TSPAN14: variants seen among roughly 807,000 people sequenced by gnomAD.
TSPAN14 encodes the protein tetraspanin-14.
In TSPAN14, 16 loss-of-function variants were observed where a neutral mutation model predicts 36.6. The ratio of observed to expected loss-of-function variants is 0.44; its 90% CI spans 0.30 to 0.66. TSPAN14 has a LOEUF of 0.66. TSPAN14 is among the 30% of genes least tolerant of loss of function. The pLI is 0.12. For missense variants in TSPAN14, 231 were observed against 355.1 expected, an observed-to-expected ratio of 0.65 and a Z score of 2.81; for synonymous variants, 139 against 143.8, an observed-to-expected ratio of 0.97 and a Z score of 0.24.
At chr10:80,510,549 A>T (rs1414353880) in intron 5 of TSPAN14, among the ~76,000 whole-genome samples, 1 of 152,154 alleles carries the variant, frequency 6.6e-6, no homozygotes, top group Non-Finnish European at 1.5e-5. Flanking sequence ...TTAAAAACAT[A>T]GTTTTCTGCA....
At chr10:80,513,579 A>G (rs1397656859) in intron 6 of TSPAN14, among the ~76,000 whole-genome samples, 2 of 152,260 alleles carry the variant, frequency 1.3e-5, no homozygotes. Context: ...TGTGGCCCCC[A>G]GGCCAAATCT....
chr10:80,492,582 C>G (rs147143340), intron 2 of TSPAN14, among the ~76,000 whole-genome samples: 9,538 of 152,084 alleles, frequency 0.063, 998 homozygotes, highest in African/African-American at 0.21. Flanking sequence ...TTTGGGAGGC[C>G]GAGGCAGGCG....
At chr10:80,491,957 C>G (rs927648060) in intron 2 of TSPAN14, among the ~76,000 whole-genome samples, 2 of 152,152 alleles carry the variant, frequency 1.3e-5, no homozygotes, top group African/African-American at 4.8e-5. Flanking sequence ...TGCAATGGAG[C>G]TGGCAAATGG....
intron 7 of TSPAN14, among the ~76,000 whole-genome samples, chr10:80,514,873 G>A (rs1012769495): frequency 6.6e-6 from 1 of 152,160 alleles, no homozygotes; most frequent in African/African-American, 2.4e-5. Flanking sequence ...TGAGTGGGAT[G>A]AGTGTCCTTA....
chr10:80,503,639 T>G (rs1272646142), intron 2 of TSPAN14, among the ~76,000 whole-genome samples: 1 of 152,142 alleles, frequency 6.6e-6, no homozygotes, highest in African/African-American at 2.4e-5. Flanking sequence ...TTTCTGAAAG[T>G]GATCTGTGAT....
exon 9 of TSPAN14, chr10:80,520,964 A>G (rs768721665): frequency 3.5e-5 from 15 of 430,436 alleles, no homozygotes; most frequent in Non-Finnish European, 5.6e-5. Context: ...GAATCCCACT[A>G]CCCACAGGGC....
At chr10:80,513,918 G>T (rs1840790477) in intron 6 of TSPAN14, 101 bp from the exon 7 acceptor site, 1 of 976,752 alleles carries the variant, frequency 1.0e-6, no homozygotes, top group Non-Finnish European at 1.6e-6. Context: ...AATGGAATTT[G>T]CACAAATGTT....
chr10:80,515,567 A>G (rs1283198208), intron 7 of TSPAN14: 1 of 152,424 alleles, frequency 6.6e-6, no homozygotes, highest in Admixed American at 6.5e-5. Context: ...TTTAGCTCCT[A>G]ACACCTCTAA....
chr10:80,514,941 G>A (rs1296157650), intron 7 of TSPAN14, among the ~76,000 whole-genome samples: 4 of 152,136 alleles, frequency 2.6e-5, no homozygotes, highest in East Asian at 1.9e-4. Flanking sequence ...CAGTGAGAGG[G>A]TGCCATCCAT....
chr10:80,479,856 G>A (rs1243161054), intron 1 of TSPAN14, among the ~76,000 whole-genome samples: 24 of 150,422 alleles, frequency 1.6e-4, no homozygotes, highest in African/African-American at 5.7e-4. Flanking sequence ...TGATGGGGAT[G>A]GCATTGAATC....
At chr10:80,515,191 C>T (rs1840872605) in intron 7 of TSPAN14, among the ~76,000 whole-genome samples, 1 of 152,204 alleles carries the variant, frequency 6.6e-6, no homozygotes, top group Admixed American at 6.5e-5. Flanking sequence ...CAACATACCA[C>T]AGACAGAAAT....
At chr10:80,467,004 TA>T (rs939055972) in intron 1 of TSPAN14, among the ~76,000 whole-genome samples, 3 of 152,224 alleles carry the variant, frequency 2.0e-5, no homozygotes, top group African/African-American at 7.2e-5. Context: ...AAAGGACTGG[TA>T]AGATAAGGAA....
At chr10:80,512,556 A>G (rs1424775330) in intron 6 of TSPAN14, among the ~76,000 whole-genome samples, 3 of 152,234 alleles carry the variant, frequency 2.0e-5, no homozygotes, top group East Asian at 3.8e-4. Context: ...GCCAAGAGCT[A>G]TGAGTGAAAT....
At chr10:80,508,508 CTG>C (rs1840434497) in intron 4 of TSPAN14, among the ~76,000 whole-genome samples, 1 of 152,182 alleles carries the variant, frequency 6.6e-6, no homozygotes, top group Non-Finnish European at 1.5e-5. Flanking sequence ...GTGATAATGT[CTG>C]TGAGAGCGCA....
rs1368620779 is a variant in TSPAN14, at chr10:80,509,082, A to G, written c.280-219A>G. Among the ~76,000 whole-genome samples the G allele has an allele frequency of 6.6e-6, 1 of 152,210 alleles. No homozygotes were observed. Among genetic ancestry groups the G allele is most frequent in the African/African-American group, 2.4e-5 (1 of 41,452 alleles). On this transcript the variant is annotated intron_variant, in intron 4 of 8. Coordinates refer to ENST00000429989, the Ensembl canonical transcript of TSPAN14. This position sits in a 1 kb window ranked among gnomAD's most constrained non-coding sequence, Gnocchi z 4.7. ...TGAGTGTTATCAGCAATGCAGTGAC[A>G]TGGGTAGGGATAAATAGCCCCTTTT...
intron 1 of TSPAN14, among the ~76,000 whole-genome samples, chr10:80,466,895 T>A (rs577606441): frequency 1.2e-4 from 19 of 152,332 alleles, no homozygotes; most frequent in Non-Finnish European, 1.9e-4. Context: ...GGGTGGGATA[T>A]CATGAAACGG....
At chr10:80,475,618 C>T (rs7070261) in intron 1 of TSPAN14, among the ~76,000 whole-genome samples, 6,656 of 152,186 alleles carry the variant, frequency 0.044, 221 homozygotes, top group African/African-American at 0.088. Context: ...GACAGAGTCT[C>T]GCTCTGTTGC....
chr10:80,459,393 C>T (rs1054116015), intron 1 of TSPAN14: 3 of 152,698 alleles, frequency 2.0e-5, no homozygotes, highest in African/African-American at 7.2e-5. Context: ...CTGTGCCTTT[C>T]AGCTAGATAG....
At chr10:80,468,672 T>A (rs1320236906) in intron 1 of TSPAN14, 1 of 152,190 alleles carries the variant, frequency 6.6e-6, no homozygotes, top group Non-Finnish European at 1.5e-5. Context: ...GAATCAGAGT[T>A]TGCATTGTTA....
Sources: allele counts gnomAD v4.1 joint callset (sites outside exome capture counted in the v4.1 genomes callset), GRCh38; gene constraint gnomAD v4.1.1; non-coding constraint Gnocchi (gnomAD v3.1); transcripts MANE v1.5; gene names NCBI Gene and HGNC (gene_info 2026-07-23, HGNC 2026-07-21).